The following DSTYK variants were observed in gnomAD, a reference collection of about 807,000 sequenced individuals.
DSTYK encodes the protein dual serine/threonine and tyrosine protein kinase, also known as RIP-homologous kinase.
DSTYK carries 34 observed loss-of-function variants against 98.7 expected under a neutral mutation model. The observed-to-expected ratio is 0.34, with a 90% CI of 0.26 to 0.46. DSTYK has a LOEUF of 0.46. Among genes scored for constraint, DSTYK ranks in the 20% least tolerant of loss-of-function variants. The pLI, the probability that DSTYK is intolerant of heterozygous loss-of-function variation, is 1.00. For missense variants in DSTYK, 962 were observed against 1,181.7 expected, an observed-to-expected ratio of 0.81 and a Z score of 2.73; for synonymous variants, 462 against 457.3, an observed-to-expected ratio of 1.01 and a Z score of -0.13.
At chr1:205,147,856 G>T in intron 12 of DSTYK, 111 bp from the exon 13 acceptor site, 1 of 1,125,756 alleles carries the variant, frequency 8.9e-7, no homozygotes, top group Non-Finnish European at 1.3e-6. Flanking sequence ...TACTAAGAAT[G>T]CAAGGAGTTT....
At chr1:205,168,558 T>C (rs1657955802) in intron 3 of DSTYK, among the ~76,000 whole-genome samples, 1 of 152,202 alleles carries the variant, frequency 6.6e-6, no homozygotes, top group African/African-American at 2.4e-5. Context: ...TTGCAAACCA[T>C]GTCATTTTAA....
intron 2 of DSTYK, among the ~76,000 whole-genome samples, chr1:205,177,980 A>G (rs1658281170): frequency 6.6e-6 from 1 of 152,206 alleles, no homozygotes; most frequent in Non-Finnish European, 1.5e-5. Context: ...ACATGCCTCA[A>G]AGAAACTGGG....
intron 9 of DSTYK, 50 bp downstream of exon 9, chr1:205,159,496 AG>A: frequency 6.4e-7 from 1 of 1,571,380 alleles, no homozygotes; most frequent in Non-Finnish European, 8.6e-7. Flanking sequence ...ATGAGTGGCC[AG>A]AAAGGAACCC....
intron 1 of DSTYK, among the ~76,000 whole-genome samples, chr1:205,197,916 G>A (rs190218429): frequency 2.6e-4 from 39 of 152,284 alleles, no homozygotes; most frequent in African/African-American, 8.7e-4. Context: ...CACGAAGGCC[G>A]GGCGTGATGG....
rs771853402 is a variant in DSTYK, at chr1:205,148,294, A to T, written c.2513T>A (p.Phe838Tyr). 2 of 1,614,164 alleles carry T rather than the reference A, an allele frequency of 1.2e-6. No homozygotes were observed. The highest frequency in any genetic ancestry group is 1.7e-6 in the Non-Finnish European group (2 of 1,180,002). Residue 838 changes from phenylalanine to tyrosine, a missense_variant, in exon 12 of 13, where the codon TTC (phenylalanine) becomes TAC (tyrosine). Transcript: ENST00000367162. ...GACAGAGCCTGAGCAGATATACCAG[A>T]AAAGAATTCCAAAAGCGTAGACATC... ...SVDVYAFGIL[F>Y]WYICSGSVKL... is the part of the protein sequence containing the mutation.
At position 205,157,347 on chromosome 1, in the gene DSTYK, C is replaced by T. The variant is rs1466081008; in HGVS notation, c.2278G>A (p.Asp760Asn). 1 of 1,614,078 alleles carries T rather than the reference C, an allele frequency of 6.2e-7. No homozygotes were observed. The highest frequency in any genetic ancestry group is 1.3e-5 in the African/African-American group (1 of 74,942). ...AGGAAGCGGATTCCCTCCACCACAT[C>T]TAGTGCTATCTGCAAACGTGTCTCC... is the stretch of plus-strand genomic sequence containing the variant. ...TLETRLQIAL[D>N]VVEGIRFLHS... is the part of the protein sequence containing the mutation. Residue 760 changes from aspartate to asparagine, a missense_variant, in exon 10 of 13, where the codon GAT becomes AAT. Physicochemically the swap from Asp to Asn is conservative, Grantham distance 23. This residue lies in a region of DSTYK where 660 missense variants were observed against 855.0 expected (regional missense o/e 0.77). Transcript: ENST00000367162.
intron 2 of DSTYK, among the ~76,000 whole-genome samples, chr1:205,179,783 A>G (rs1310658944): frequency 6.6e-6 from 1 of 152,172 alleles, no homozygotes; most frequent in Non-Finnish European, 1.5e-5. Context: ...TAGCAGTCAA[A>G]AAGAAAATAT....
At chr1:205,206,584 T>C (rs1477818669) in intron 1 of DSTYK, among the ~76,000 whole-genome samples, 2 of 122,776 alleles carry the variant, frequency 1.6e-5, no homozygotes, top group East Asian at 2.6e-4. Context: ...TGGCCTGTTC[T>C]TTTTTTTTTT....
chr1:205,166,642 G>A (rs1049911132), intron 3 of DSTYK, among the ~76,000 whole-genome samples: 1 of 152,126 alleles, frequency 6.6e-6, no homozygotes, highest in Admixed American at 6.6e-5. Flanking sequence ...TATGATGCCG[G>A]CAGTGATGCT....
At position 205,211,417 on chromosome 1, in the gene DSTYK, C is replaced by T. The variant is rs1014360985; in HGVS notation, c.119G>A (p.Arg40Gln). The T allele has an allele frequency of 3.7e-6, 6 of 1,609,996 alleles. No individual in the cohort carries two copies. Among genetic ancestry groups the T allele is most frequent in the Non-Finnish European group, 5.1e-6 (6 of 1,179,082 alleles). Residue 40 changes from arginine (R) to glutamine (Q), a missense_variant, in exon 1 of 13, where the codon CGG (arginine) becomes CAG (glutamine). By Grantham distance (43) the Arg-to-Gln change is conservative. This residue lies in a region of DSTYK where 168 missense variants were observed against 120.0 expected (regional missense o/e 1.40). Coordinates refer to ENST00000367162, the MANE Select transcript of DSTYK (RefSeq NM_015375.3). Reference protein sequence around the residue: ...GFGRYRRYLGRLRQNLRETQK... With the variant: ...GFGRYRRYLGQLRQNLRETQK... ...GGTCTCGCGCAGGTTCTGTCGCAGCCGTCCCAGGTAGCGGCGGTAGCGGCC... is the reference window on the plus strand; with the variant it reads ...GGTCTCGCGCAGGTTCTGTCGCAGCTGTCCCAGGTAGCGGCGGTAGCGGCC...
intron 7 of DSTYK, among the ~76,000 whole-genome samples, chr1:205,160,529 T>C (rs1157207772): frequency 6.8e-6 from 1 of 147,106 alleles, no homozygotes; most frequent in Non-Finnish European, 1.5e-5. Flanking sequence ...AGAGACGGGG[T>C]TTTGCCACAT....
chr1:205,196,550 C>T (rs1658871045), intron 1 of DSTYK, among the ~76,000 whole-genome samples: 2 of 152,136 alleles, frequency 1.3e-5, no homozygotes, highest in East Asian at 3.9e-4. Flanking sequence ...AGAGCAAGAC[C>T]TTGCCTGTAA....
intron 2 of DSTYK, among the ~76,000 whole-genome samples, chr1:205,175,102 C>CTT (rs1338416279): frequency 7.2e-4 from 90 of 125,664 alleles, no homozygotes; most frequent in African/African-American, 2.1e-3. Context: ...AGAAGCTGCC[C>CTT]TTTTTTTTTT....
intron 1 of DSTYK, among the ~76,000 whole-genome samples, chr1:205,205,213 C>G (rs554901619): frequency 6.6e-6 from 1 of 152,200 alleles, no homozygotes; most frequent in South Asian, 2.1e-4. Flanking sequence ...CAAACTACCA[C>G]AGAGTACACC....
intron 3 of DSTYK, among the ~76,000 whole-genome samples, chr1:205,168,859 C>A (rs1657966598): frequency 6.6e-6 from 1 of 152,150 alleles, no homozygotes; most frequent in South Asian, 2.1e-4. Context: ...CAGCTCTTCT[C>A]CAGCTCCATT....
chr1:205,207,227 C>T (rs1558630116), intron 1 of DSTYK, among the ~76,000 whole-genome samples: 1 of 151,566 alleles, frequency 6.6e-6, no homozygotes, highest in Non-Finnish European at 1.5e-5. Flanking sequence ...TACAGGCACG[C>T]GCCATCATGC....
In DSTYK at chr1:205,169,181, T is replaced by G. The variant is rs1384374915; in HGVS notation, c.1306A>C (p.Thr436Pro). 1 of 1,600,848 alleles carries G rather than the reference T, an allele frequency of 6.2e-7. No individual in the cohort carries two copies. The highest frequency in any genetic ancestry group is 8.5e-7 in the Non-Finnish European group (1 of 1,173,238). The change falls in exon 3 of 13, where the codon ACT (threonine) becomes CCT (proline). Residue 436 changes from threonine to proline, a missense_variant. Coordinates refer to ENST00000367162, the MANE Select transcript of DSTYK (RefSeq NM_015375.3). This position sits in a 1 kb window ranked among gnomAD's most constrained non-coding sequence, Gnocchi z 4.0. ...GACCTACCTTTAAACTCCATGTTAG[T>G]AGCATCATCCAGAAGTTCCTCCTTC... ...TMKEELLDDA[T>P]NMEFKDVIVP...
intron 1 of DSTYK, among the ~76,000 whole-genome samples, chr1:205,210,647 C>T (rs1659343207): frequency 6.6e-6 from 1 of 152,234 alleles, no homozygotes; most frequent in Non-Finnish European, 1.5e-5. Flanking sequence ...CCTTCCCTCT[C>T]TTCTTCACCT....
intron 1 of DSTYK, among the ~76,000 whole-genome samples, chr1:205,205,041 A>C (rs1463500824): frequency 6.6e-6 from 1 of 152,204 alleles, no homozygotes; most frequent in Non-Finnish European, 1.5e-5. Context: ...TTAAGAAAGA[A>C]AGACCAAGTT....
Sources: gnomAD v4.1 joint callset for allele counts (sites outside exome capture counted in the v4.1 genomes callset) on GRCh38, gnomAD v4.1.1 for gene constraint, gnomAD v4.1.1 regional missense constraint, Gnocchi (gnomAD v3.1) non-coding constraint, MANE v1.5 for transcripts, NCBI Gene and HGNC (gene_info 2026-07-23, HGNC 2026-07-21) for gene names.